SMIM35: variants seen among roughly 807,000 people sequenced by gnomAD.
SMIM35 encodes the protein TMPRSS4 antisense RNA 1 (non-protein coding).
chr11:118,048,668 A>G (rs1385177544), intron 1 of SMIM35, among the ~76,000 whole-genome samples: 2 of 152,086 alleles, frequency 1.3e-5, no homozygotes, highest in Non-Finnish European at 2.9e-5. Context: ...TTAAGTAAAT[A>G]ATGATACAGC....
intron 1 of SMIM35, among the ~76,000 whole-genome samples, chr11:118,057,561 C>T (rs1944333778): frequency 6.6e-6 from 1 of 152,104 alleles, no homozygotes; most frequent in South Asian, 2.1e-4. Context: ...GGCCAAAGGA[C>T]TTTTCAGCAC....
rs60864416 is a variant in SMIM35 at position 118,027,016 on chromosome 11, C to CTTTTTTTTTTTTT, written c.8-11220_8-11208dup. Among the ~76,000 whole-genome samples the CTTTTTTTTTTTTT allele has an allele frequency of 8.2e-4, 76 of 93,240 alleles. 2 individuals are homozygous for CTTTTTTTTTTTTT. Among genetic ancestry groups the CTTTTTTTTTTTTT allele is most frequent in the East Asian group, 2.5e-3 (6 of 2,406 alleles). 61.2% of individuals were successfully genotyped at this position (93,240 alleles called of 152,430 possible). The stretch of plus-strand genomic sequence containing the variant: ...ATTTTTTAAAAATCCACCACCACCA[C>CTTTTTTTTTTTTT]TTTTTTTTTTTTTTTTTTTTTTGAG... On this transcript the variant is annotated intron_variant, in intron 1 of 4. Coordinates refer to ENST00000689828, the MANE Select transcript of SMIM35 (RefSeq NM_001394165.1).
intron 1 of SMIM35, chr11:118,077,297 G>A (rs368216133): frequency 1.9e-6 from 3 of 1,602,464 alleles, no homozygotes; most frequent in Non-Finnish European, 2.6e-6. Flanking sequence ...GGATCACAGA[G>A]CCAGCATGGT....
At chr11:118,052,720 G>A (rs905943429) in intron 1 of SMIM35, among the ~76,000 whole-genome samples, 1 of 151,800 alleles carries the variant, frequency 6.6e-6, no homozygotes, top group Non-Finnish European at 1.5e-5. Context: ...GCCAAACATA[G>A]GCATTGGCTT....
chr11:118,052,324 G>A (rs1220378616), intron 1 of SMIM35, among the ~76,000 whole-genome samples: 2 of 151,638 alleles, frequency 1.3e-5, no homozygotes, highest in African/African-American at 4.8e-5. Context: ...GGAGTGAGAG[G>A]GAAGTGGGTG....
chr11:118,053,176 A>G (rs1290736998), intron 1 of SMIM35, among the ~76,000 whole-genome samples: 1 of 152,118 alleles, frequency 6.6e-6, no homozygotes, highest in Non-Finnish European at 1.5e-5. Flanking sequence ...GCGTGTTGGC[A>G]GGGCGCCTAT....
intron 4 of SMIM35, among the ~76,000 whole-genome samples, chr11:118,008,030 C>T (rs11216671): frequency 0.057 from 8,701 of 152,136 alleles, 535 homozygotes; most frequent in East Asian, 0.35. Context: ...CCACCACGCT[C>T]GGCTAATTTT....
intron 1 of SMIM35, among the ~76,000 whole-genome samples, chr11:118,024,547 AC>A: frequency 6.6e-6 from 1 of 151,096 alleles, no homozygotes; most frequent in Non-Finnish European, 1.5e-5. Context: ...ATCTCGGCTC[AC>A]TGCAACCTCG....
chr11:118,081,011 T>C (rs1390522637), intron 1 of SMIM35, among the ~76,000 whole-genome samples: 1 of 152,238 alleles, frequency 6.6e-6, no homozygotes, highest in Non-Finnish European at 1.5e-5. Context: ...TGGGAGCTTC[T>C]TGAGGACAGG....
intron 1 of SMIM35, chr11:118,029,976 A>AT (rs2058304982): frequency 2.8e-5 from 10 of 351,876 alleles, no homozygotes; most frequent in South Asian, 1.7e-4. Context: ...ATGTTTCCTA[A>AT]CTAGAGCCTG....
chr11:118,064,965 G>A (rs1444245357), intron 1 of SMIM35, among the ~76,000 whole-genome samples: 1 of 152,212 alleles, frequency 6.6e-6, no homozygotes, highest in Non-Finnish European at 1.5e-5. Context: ...TTAAACGCTA[G>A]CCTTCTCTGG....
At position 118,004,163 on chromosome 11, in the gene SMIM35, A is replaced by C. The variant is rs2135004410; in HGVS notation, c.*2247T>G. ...ATCCCATCATGGAGGCCCCATCCTC[A>C]TGACCTCATCTAAACCAATTACCTC... On this transcript the variant is annotated 3_prime_UTR_variant, in exon 5 of 5. Coordinates refer to ENST00000689828, the MANE Select transcript of SMIM35 (RefSeq NM_001394165.1). 6.6e-6 allele frequency: 1 copy of C among 152,368 alleles called. No homozygotes were observed. Among genetic ancestry groups the C allele is most frequent in the African/African-American group, 2.4e-5 (1 of 41,592 alleles). The allele number at this position is 152,368 out of a possible 1,614,324, so 9.4% of individuals were successfully genotyped here. A position where few individuals can be genotyped will look rare whatever the true frequency, so the allele number is the denominator to read the frequency against.
chr11:118,016,461 C>G (rs541602344), intron 1 of SMIM35, among the ~76,000 whole-genome samples: 1 of 152,180 alleles, frequency 6.6e-6, no homozygotes, highest in East Asian at 1.9e-4. Context: ...GTGGGGGCAC[C>G]CTACGGACAA....
At chr11:118,025,547 G>A (rs2058267946) in intron 1 of SMIM35, 1 of 455,422 alleles carries the variant, frequency 2.2e-6, no homozygotes, top group Non-Finnish European at 4.4e-6. Flanking sequence ...GATTAGTGAT[G>A]TTGAGAGCAT....
At chr11:118,044,619 CA>C (rs1253209998) in intron 1 of SMIM35, among the ~76,000 whole-genome samples, 1 of 151,514 alleles carries the variant, frequency 6.6e-6, no homozygotes, top group Non-Finnish European at 1.5e-5. Flanking sequence ...ACTAAAAATA[CA>C]AAAATTAGCC....
intron 4 of SMIM35, among the ~76,000 whole-genome samples, chr11:118,008,116 C>G (rs746196263): frequency 6.6e-6 from 1 of 152,016 alleles, no homozygotes; most frequent in East Asian, 1.9e-4. Context: ...GTGATCCACC[C>G]GCCTTGGCTT....
intron 1 of SMIM35, among the ~76,000 whole-genome samples, chr11:118,072,385 G>A (rs1048060090): frequency 6.6e-6 from 1 of 152,234 alleles, no homozygotes; most frequent in Non-Finnish European, 1.5e-5. Context: ...CTACTCCGGA[G>A]GCTGAGGCAG....
At chr11:118,064,856 G>T (rs1027990588) in intron 1 of SMIM35, among the ~76,000 whole-genome samples, 1 of 152,170 alleles carries the variant, frequency 6.6e-6, no homozygotes, top group Non-Finnish European at 1.5e-5. Context: ...TATCACCCAA[G>T]CTGGTCTCAT....
At chr11:118,045,246 T>C (rs1944078950) in intron 1 of SMIM35, among the ~76,000 whole-genome samples, 1 of 152,116 alleles carries the variant, frequency 6.6e-6, no homozygotes, top group Admixed American at 6.6e-5. Flanking sequence ...GCTCATCTGT[T>C]GCTCATCAAT....
Sources: gnomAD v4.1 joint callset for allele counts (sites outside exome capture counted in the v4.1 genomes callset) on GRCh38, gnomAD v4.1.1 for gene constraint, MANE v1.5 for transcripts, NCBI Gene and HGNC (gene_info 2026-07-23, HGNC 2026-07-21) for gene names.